FHIP2A: variants seen among roughly 807,000 people sequenced by gnomAD.
FHIP2A encodes the protein family with sequence similarity 160 member B1.
FHIP2A carries 46 observed loss-of-function variants against 93.5 expected under a neutral mutation model. The ratio of observed to expected loss-of-function variants is 0.49; its 90% CI spans 0.39 to 0.63. The LOEUF (loss-of-function observed/expected upper bound fraction) is 0.63, where lower values mean the gene tolerates loss of function less well. Among genes scored for constraint, FHIP2A ranks in the 20% least tolerant of loss-of-function variants. The pLI is 0.00. For synonymous variants in FHIP2A, 332 were observed against 326.5 expected, an observed-to-expected ratio of 1.02 and a Z score of -0.18; for missense variants, 769 against 909.7, an observed-to-expected ratio of 0.85 and a Z score of 1.99.
chr10:114,850,499 A>G (rs749474200), intron 13 of FHIP2A, among the ~76,000 whole-genome samples: 1 of 152,072 alleles, frequency 6.6e-6, no homozygotes, highest in African/African-American at 2.4e-5. Context: ...TGAAGCCAGA[A>G]ATTTGAGACC....
chr10:114,896,749 TG>T (rs2084003347), intron 16 of FHIP2A, among the ~76,000 whole-genome samples: 1 of 152,232 alleles, frequency 6.6e-6, no homozygotes, highest in African/African-American at 2.4e-5. Flanking sequence ...AAAACCAAGC[TG>T]TGCCCTGACC....
At chr10:114,898,462 G>A (rs972521777) in intron 16 of FHIP2A, among the ~76,000 whole-genome samples, 1 of 152,080 alleles carries the variant, frequency 6.6e-6, no homozygotes, top group Non-Finnish European at 1.5e-5. Context: ...ACCAGCTCTG[G>A]CCTGGGACAA....
intron 7 of FHIP2A, 102 bp downstream of exon 7, chr10:114,844,039 AAC>A: frequency 1.2e-6 from 1 of 863,494 alleles, no homozygotes; most frequent in East Asian, 2.6e-5. Context: ...TGAAAAATTG[AAC>A]ACCACTAGTG....
chr10:114,880,749 A>G (rs1417971005), intron 16 of FHIP2A, among the ~76,000 whole-genome samples: 2 of 150,888 alleles, frequency 1.3e-5, no homozygotes, highest in Non-Finnish European at 2.9e-5. Flanking sequence ...AATGTGTTGC[A>G]TGGGTGTAGA....
downstream of FHIP2A, among the ~76,000 whole-genome samples, chr10:114,868,770 A>T (rs1403328478): frequency 2.0e-5 from 3 of 152,154 alleles, no homozygotes; most frequent in African/African-American, 7.2e-5. Context: ...AATGGTACCC[A>T]TGTTGTGATG....
At position 114,822,179 on chromosome 10, in the gene FHIP2A, C is replaced by T. The variant is rs1213399698; in HGVS notation, c.45+56C>T. ...GCCGGGGATGGCGGCGGCCTACGCTCCCCGGCGGCCTCGGGGACAAGCCGG... is the reference window on the plus strand; with the variant it reads ...GCCGGGGATGGCGGCGGCCTACGCTTCCCGGCGGCCTCGGGGACAAGCCGG... On this transcript the variant is annotated intron_variant, in intron 1 of 16. Transcript: ENST00000369248. 2.1e-5 allele frequency: 24 copies of T among 1,122,468 alleles called. No homozygotes were observed. In the East Asian group the frequency reaches 8.3e-4, roughly 39 times the overall value. The allele number at this position is 1,122,468 out of a possible 1,614,324, so 69.5% of individuals were successfully genotyped here.
At chr10:114,881,535 C>G (rs1275268140) in intron 16 of FHIP2A, among the ~76,000 whole-genome samples, 1 of 152,090 alleles carries the variant, frequency 6.6e-6, no homozygotes, top group Non-Finnish European at 1.5e-5. Flanking sequence ...TGTCTGGGAC[C>G]TTCATTCCAG....
At chr10:114,860,962 G>T in intron 15 of FHIP2A, 73 bp downstream of exon 15, 8 of 1,393,770 alleles carry the variant, frequency 5.7e-6, no homozygotes, top group Non-Finnish European at 8.1e-6. Flanking sequence ...ATCATTGTAT[G>T]CAGTTAGTGT....
intron 16 of FHIP2A, among the ~76,000 whole-genome samples, chr10:114,879,049 T>C (rs912674308): frequency 6.6e-6 from 1 of 152,216 alleles, no homozygotes; most frequent in African/African-American, 2.4e-5. Flanking sequence ...AGGCTTATTA[T>C]TTAATTTACT....
chr10:114,877,453 G>A (rs1476905976), intron 16 of FHIP2A, among the ~76,000 whole-genome samples: 1 of 151,952 alleles, frequency 6.6e-6, no homozygotes, highest in African/African-American at 2.4e-5. Context: ...TATACTGTCA[G>A]TATAATTATA....
At chr10:114,871,571 A>T (rs577143634) in intron 16 of FHIP2A, among the ~76,000 whole-genome samples, 2 of 152,206 alleles carry the variant, frequency 1.3e-5, no homozygotes, top group East Asian at 3.9e-4. Flanking sequence ...TCCAACATTG[A>T]TGTAACCAAC....
intron 1 of FHIP2A, among the ~76,000 whole-genome samples, chr10:114,825,351 G>A (rs997962140): frequency 3.3e-5 from 5 of 152,102 alleles, no homozygotes; most frequent in South Asian, 2.1e-4. Context: ...AGTGTTGACT[G>A]GATGTATTCA....
At chr10:114,881,182 A>G (rs551310416) in intron 16 of FHIP2A, among the ~76,000 whole-genome samples, 75 of 152,252 alleles carry the variant, frequency 4.9e-4, no homozygotes, top group South Asian at 1.7e-3. Context: ...ATCTCTTCGC[A>G]GTGAGCGGAA....
rs1422426981 is a variant in FHIP2A at position 114,863,869 on chromosome 10, A to T, written c.*2329A>T. ...CCAAAGTGAATTTCAGCCTTGCTTC[A>T]CATTTGTATCAATAAATATGCACAT... On this transcript the variant is annotated 3_prime_UTR_variant, in exon 17 of 17. Transcript: ENST00000369248. 2.7e-6 allele frequency: 3 copies of T among 1,092,106 alleles called. No individual in the cohort carries two copies. The highest frequency in any genetic ancestry group is 2.2e-6 in the Non-Finnish European group (2 of 889,308). The allele number at this position is 1,092,106 out of a possible 1,614,324, so 67.7% of individuals were successfully genotyped here. A position where few individuals can be genotyped will look rare whatever the true frequency, so the allele number is the denominator to read the frequency against.
At chr10:114,840,742 G>A (rs2083663955) in intron 5 of FHIP2A, among the ~76,000 whole-genome samples, 1 of 152,180 alleles carries the variant, frequency 6.6e-6, no homozygotes, top group African/African-American at 2.4e-5. Context: ...TAAGGCTGCT[G>A]CTAGTAGAAA....
chr10:114,866,618 A>G (rs943155995), downstream of FHIP2A, among the ~76,000 whole-genome samples: 2 of 152,220 alleles, frequency 1.3e-5, no homozygotes, highest in African/African-American at 4.8e-5. Flanking sequence ...TCTATGAACC[A>G]GGTATTAAGG....
At chr10:114,826,748 C>T (rs929717924) in intron 1 of FHIP2A, among the ~76,000 whole-genome samples, 13 of 152,134 alleles carry the variant, frequency 8.5e-5, no homozygotes, top group African/African-American at 1.9e-4. Context: ...AATGCCAGCA[C>T]TTTGGGAGGC....
intron 14 of FHIP2A, among the ~76,000 whole-genome samples, chr10:114,856,275 A>G (rs975058275): frequency 2.6e-5 from 4 of 152,202 alleles, no homozygotes; most frequent in Admixed American, 6.5e-5. Flanking sequence ...GGTAATCTCT[A>G]TAAGAGACCA....
At chr10:114,899,225 G>T (rs186143049) in intron 16 of FHIP2A, among the ~76,000 whole-genome samples, 1 of 152,292 alleles carries the variant, frequency 6.6e-6, no homozygotes, top group African/African-American at 2.4e-5. Flanking sequence ...GTGATTTGTT[G>T]CATAGCAATA....
Sources: gnomAD v4.1 joint callset for allele counts (sites outside exome capture counted in the v4.1 genomes callset) on GRCh38, gnomAD v4.1.1 for gene constraint, MANE v1.5 for transcripts, NCBI Gene and HGNC (gene_info 2026-07-23, HGNC 2026-07-21) for gene names.